The following VPS54 variants were observed in gnomAD, a reference collection of about 807,000 sequenced individuals.
VPS54 encodes the protein VPS54 subunit of GARP complex, also known as vacuolar protein sorting-associated protein 54.
Under a neutral mutation model 121.5 loss-of-function variants are expected in VPS54, and 45 were observed. The ratio of observed to expected loss-of-function variants is 0.37; its 90% CI spans 0.29 to 0.47. The LOEUF (loss-of-function observed/expected upper bound fraction) is 0.47, where lower values mean the gene tolerates loss of function less well. Ranked by LOEUF, VPS54 falls within the 20% of genes least tolerant of loss-of-function variation. The pLI is 0.99. For synonymous variants in VPS54, 371 were observed against 385.8 expected, an observed-to-expected ratio of 0.96 and a Z score of 0.45; for missense variants, 1,090 against 1,131.4, an observed-to-expected ratio of 0.96 and a Z score of 0.52.
At chr2:63,964,465 C>T (rs1261540575) in intron 6 of VPS54, among the ~76,000 whole-genome samples, 1 of 152,110 alleles carries the variant, frequency 6.6e-6, no homozygotes, top group Non-Finnish European at 1.5e-5. Flanking sequence ...GAGACTTTTA[C>T]TGGCTTTTGC....
chr2:63,942,583 A>C, intron 10 of VPS54, 22 bp from the exon 11 acceptor site: 2 of 1,539,696 alleles, frequency 1.3e-6, no homozygotes, highest in Non-Finnish European at 1.8e-6. Context: ...TAATTCAAAC[A>C]AAAATAATGA....
In VPS54 at chr2:63,962,299, C is replaced by G; in HGVS notation, c.769G>C (p.Asp257His). The change falls in exon 7 of 23, where the codon GAT becomes CAT. Residue 257 changes from aspartate to histidine, a missense_variant. Asp to His is a moderately conservative substitution (Grantham distance 81, BLOSUM62 -1). Around this residue, in one of 2 missense-constraint regions of VPS54, gnomAD observed 801 missense variants for 757.0 expected, o/e 1.06. Transcript: ENST00000272322. ...ACTTTATCAATCTGTGCAATTTTAT[C>G]TCGAAGCATTTTTACAGCCTGGGAA... Reference protein sequence around the residue: ...KTSQAVKMLRDKIAQIDKVMC... With the variant: ...KTSQAVKMLRHKIAQIDKVMC... 6.2e-7 allele frequency: 1 copy of G among 1,614,052 alleles called. No individual in the cohort carries two copies. The highest frequency in any genetic ancestry group is 8.5e-7 in the Non-Finnish European group (1 of 1,179,952).
At chr2:63,911,667 G>A (rs551617705) in intron 20 of VPS54, among the ~76,000 whole-genome samples, 3 of 152,194 alleles carry the variant, frequency 2.0e-5, no homozygotes, top group Non-Finnish European at 2.9e-5. Context: ...CTGCCATTTC[G>A]GAATCTGAAG....
At chr2:63,996,658 GC>G (rs1677609350) in intron 1 of VPS54, among the ~76,000 whole-genome samples, 1 of 152,150 alleles carries the variant, frequency 6.6e-6, no homozygotes, top group South Asian at 2.1e-4. Flanking sequence ...ATAATTAACA[GC>G]CCTGGGAAAA....
chr2:64,005,066 C>T (rs1576015302), intron 1 of VPS54, among the ~76,000 whole-genome samples: 1 of 146,498 alleles, frequency 6.8e-6, no homozygotes, highest in Non-Finnish European at 1.5e-5. Context: ...GCATGAGCTA[C>T]CATGCCCAGT....
chr2:63,912,278 T>C lies in VPS54; in HGVS notation c.2625+67A>G, dbSNP rs1386056521. ...TCTTTTCACATCTTAATTTATAAAG[T>C]ACTCCTTATAAAATAGAAAATCATA... On this transcript the variant is annotated intron_variant, in intron 20 of 22. Transcript: ENST00000272322. 2.4e-6 allele frequency: 3 copies of C among 1,233,106 alleles called. No homozygotes were observed. The African/African-American group carries it at 4.6e-5, about 19-fold the overall frequency. 76.4% of individuals were successfully genotyped at this position (1,233,106 alleles called of 1,614,324 possible).
chr2:63,942,704 G>A (rs1674798176), intron 10 of VPS54, 143 bp from the exon 11 acceptor site: 13 of 648,250 alleles, frequency 2.0e-5, no homozygotes, highest in Admixed American at 3.7e-5. Flanking sequence ...ATGTTGAAGA[G>A]GTAAATTACC....
At chr2:63,899,694 G>T in intron 20 of VPS54, 113 bp from the exon 21 acceptor site, 1 of 824,030 alleles carries the variant, frequency 1.2e-6, no homozygotes. Flanking sequence ...TTCTGGCATA[G>T]TACTTAAGCT....
chr2:63,953,813 A>G (rs1429018806), intron 7 of VPS54, among the ~76,000 whole-genome samples: 1 of 152,120 alleles, frequency 6.6e-6, no homozygotes, highest in African/African-American at 2.4e-5. Flanking sequence ...ATTCAAGACT[A>G]TATGGTTTTC....
At chr2:63,981,352 TG>T (rs914942730) in intron 3 of VPS54, among the ~76,000 whole-genome samples, 2 of 152,154 alleles carry the variant, frequency 1.3e-5, no homozygotes, top group Non-Finnish European at 2.9e-5. Flanking sequence ...ACAAATCATC[TG>T]GACTTTATAG....
chr2:63,925,197 G>C (rs1301940279), intron 12 of VPS54, among the ~76,000 whole-genome samples: 1 of 152,168 alleles, frequency 6.6e-6, no homozygotes, highest in East Asian at 1.9e-4. Flanking sequence ...AACCTTCACA[G>C]ATCAAGACAA....
At position 63,909,725 on chromosome 2, in the gene VPS54, G is replaced by GTTTTTGTTTTTTTTT. The variant is rs747731456; in HGVS notation, c.2625+2619_2625+2620insAAAAAAAAACAAAAA. Among the ~76,000 whole-genome samples the GTTTTTGTTTTTTTTT allele has an allele frequency of 1.3e-3, 152 of 115,254 alleles. 5 individuals are homozygous for GTTTTTGTTTTTTTTT. Among genetic ancestry groups the GTTTTTGTTTTTTTTT allele is most frequent in the Middle Eastern group, 6.0e-3 (1 of 166 alleles). The allele number at this position is 115,254 out of a possible 152,430, so 75.6% of individuals were successfully genotyped here. On this transcript the variant is annotated intron_variant, in intron 20 of 22. Coordinates refer to ENST00000272322, the MANE Select transcript of VPS54 (RefSeq NM_016516.3). Reference sequence around the variant, plus strand: ...AAGCGACCTCGCCTGGCCGTTTTTGGTTTTTTTTTTTTTTTTGAGACAGAG... The same window carrying GTTTTTGTTTTTTTTT: ...AAGCGACCTCGCCTGGCCGTTTTTGGTTTTTGTTTTTTTTTTTTTTTTTTTTTTTTTGAGACAGAG...
rs116377324 is a variant in VPS54, at chr2:63,898,861, G to A, written c.2733+613C>T. Among the ~76,000 whole-genome samples, 5 of 152,068 alleles carry A rather than the reference G, an allele frequency of 3.3e-5. No homozygotes were observed. The South Asian group carries it at 1.0e-3, about 32-fold the overall frequency. ...CAGGAGAGCGCAACAGGGCTGTAGCGGGTAGAGCTGTTACTGAGGAGTGAA... is the reference window on the plus strand; with the variant it reads ...CAGGAGAGCGCAACAGGGCTGTAGCAGGTAGAGCTGTTACTGAGGAGTGAA... On this transcript the variant is annotated intron_variant, in intron 21 of 22. Coordinates refer to ENST00000272322, the MANE Select transcript of VPS54 (RefSeq NM_016516.3).
chr2:63,931,850 TG>T (rs1179982807), intron 12 of VPS54, among the ~76,000 whole-genome samples: 2 of 152,172 alleles, frequency 1.3e-5, no homozygotes, highest in African/African-American at 4.8e-5. Flanking sequence ...GCAAAGGATA[TG>T]AACAGACACT....
chr2:64,015,800 A>C (rs1334396989), intron 1 of VPS54, among the ~76,000 whole-genome samples: 1 of 152,192 alleles, frequency 6.6e-6, no homozygotes, highest in African/African-American at 2.4e-5. Flanking sequence ...AAGATATCTA[A>C]ATAATACATT....
intron 1 of VPS54, among the ~76,000 whole-genome samples, chr2:64,005,086 CTTCTTTTTTTTTTTTT>C (rs1397340616): frequency 2.5e-4 from 19 of 76,632 alleles, no homozygotes; most frequent in African/African-American, 6.9e-4. Flanking sequence ...TCTACTATTG[CTTCTTTTTTTTTTTTT>C]TTTTTTTTTT....
At chr2:63,894,905 T>C (rs1159202445) in intron 22 of VPS54, among the ~76,000 whole-genome samples, 5 of 152,128 alleles carry the variant, frequency 3.3e-5, no homozygotes, top group African/African-American at 7.2e-5. Flanking sequence ...TAAAAGAATG[T>C]AGACTAAATT....
rs771332326 is a variant in VPS54 at position 63,912,504 on chromosome 2, T to C, written c.2544+36A>G. The C allele has an allele frequency of 8.1e-6, 13 of 1,610,526 alleles. No individual in the cohort carries two copies. The East Asian group carries it at 2.9e-4, about 36-fold the overall frequency. On this transcript the variant is annotated intron_variant, in intron 19 of 22. Transcript: ENST00000272322. ...ATACTTAACAATTAAGGATCTAAAC[T>C]TATGAAACGCCAATAGAAAATATAT...
intron 12 of VPS54, among the ~76,000 whole-genome samples, chr2:63,925,631 G>T (rs921353760): frequency 6.6e-6 from 1 of 152,178 alleles, no homozygotes; most frequent in South Asian, 2.1e-4. Context: ...ACATTGTGGT[G>T]TATCATAAAA....
Sources: allele counts gnomAD v4.1 joint callset (sites outside exome capture counted in the v4.1 genomes callset), GRCh38; gene constraint gnomAD v4.1.1; regional missense constraint gnomAD v4.1.1; transcripts MANE v1.5; gene names NCBI Gene and HGNC (gene_info 2026-07-23, HGNC 2026-07-21).